The following CSMD3 variants were observed in gnomAD, a reference collection of about 807,000 sequenced individuals.
CSMD3 encodes CUB and Sushi multiple domains 3, also known as CUB and sushi domain-containing protein 3.
In CSMD3, 177 loss-of-function variants were observed where a neutral mutation model predicts 435.2. That is an observed-to-expected ratio of 0.41 (90% CI 0.36 to 0.46). The LOEUF (loss-of-function observed/expected upper bound fraction) is 0.46. Among genes scored for constraint, CSMD3 ranks in the 20% least tolerant of loss-of-function variants. CSMD3 has a pLI of 0.34. For synonymous variants in CSMD3, 1,656 were observed against 1,520.5 expected, an observed-to-expected ratio of 1.09 and a Z score of -2.07; for missense variants, 4,265 against 4,504.6, an observed-to-expected ratio of 0.95 and a Z score of 1.52.
chr8:113,318,310 T>G (rs2093924969), intron 1 of CSMD3, among the ~76,000 whole-genome samples: 1 of 152,194 alleles, frequency 6.6e-6, no homozygotes, highest in African/African-American at 2.4e-5. Context: ...TTTAAGAAAT[T>G]TTATCATGTT....
chr8:112,544,044 A>G (rs1194920725), intron 27 of CSMD3, among the ~76,000 whole-genome samples: 1 of 152,134 alleles, frequency 6.6e-6, no homozygotes, highest in Non-Finnish European at 1.5e-5. Flanking sequence ...CAGAGCCTGA[A>G]ATGGTTTTTT....
chr8:113,244,664 T>A (rs1340710033), intron 3 of CSMD3, among the ~76,000 whole-genome samples: 6 of 152,130 alleles, frequency 3.9e-5, no homozygotes, highest in African/African-American at 1.4e-4. Flanking sequence ...TTCTTTGCCA[T>A]GTGAATATTC....
intron 13 of CSMD3, among the ~76,000 whole-genome samples, chr8:112,721,149 A>G (rs2076848944): frequency 6.6e-6 from 1 of 152,068 alleles, no homozygotes; most frequent in South Asian, 2.1e-4. Context: ...AGTATCAATT[A>G]CAGAATGTTT....
intron 27 of CSMD3, among the ~76,000 whole-genome samples, chr8:112,546,298 C>A (rs574967621): frequency 1.2e-4 from 19 of 152,136 alleles, no homozygotes; most frequent in African/African-American, 4.3e-4. Flanking sequence ...TTTTGTATTT[C>A]GGAAAGATCA....
intron 12 of CSMD3, among the ~76,000 whole-genome samples, chr8:112,817,970 C>CA (rs1482688926): frequency 1.3e-5 from 2 of 151,154 alleles, no homozygotes; most frequent in Non-Finnish European, 3.0e-5. Flanking sequence ...TAGCAAATTA[C>CA]AAAAAAATTT....
intron 45 of CSMD3, among the ~76,000 whole-genome samples, chr8:112,321,367 A>T (rs1001015834): frequency 6.6e-6 from 1 of 152,160 alleles, no homozygotes; most frequent in Non-Finnish European, 1.5e-5. Context: ...GTATTATGGG[A>T]GTATTGAAAA....
At chr8:112,407,936 G>A (rs1832003679) in intron 34 of CSMD3, among the ~76,000 whole-genome samples, 1 of 151,998 alleles carries the variant, frequency 6.6e-6, no homozygotes. Context: ...TCCTTGGCAT[G>A]TTTAAGTACA....
chr8:113,213,203 T>A (rs1438230821), intron 3 of CSMD3, among the ~76,000 whole-genome samples: 1 of 152,132 alleles, frequency 6.6e-6, no homozygotes, highest in South Asian at 2.1e-4. Flanking sequence ...TGGGATTTCA[T>A]GTGCACTTTC....
intron 6 of CSMD3, among the ~76,000 whole-genome samples, chr8:113,001,421 A>G (rs2085860349): frequency 6.6e-6 from 1 of 152,018 alleles, no homozygotes. Flanking sequence ...GTTTATTCCG[A>G]TTAGCCTCTT....
At chr8:112,641,190 C>T (rs1370849794) in intron 20 of CSMD3, among the ~76,000 whole-genome samples, 2 of 152,078 alleles carry the variant, frequency 1.3e-5, no homozygotes, top group Middle Eastern at 3.2e-3. Context: ...TGTTATTTAG[C>T]CCTGGCCAGC....
intron 1 of CSMD3, among the ~76,000 whole-genome samples, chr8:113,330,551 T>C (rs2094019693): frequency 6.6e-6 from 1 of 151,856 alleles, no homozygotes; most frequent in Non-Finnish European, 1.5e-5. Flanking sequence ...AAGAGACATA[T>C]TTTAGGTACA....
chr8:112,686,056 G>A (rs113812523), intron 14 of CSMD3, among the ~76,000 whole-genome samples: 2 of 152,058 alleles, frequency 1.3e-5, no homozygotes, highest in Non-Finnish European at 2.9e-5. Context: ...ATATACAGAA[G>A]TTCCCATAGA....
chr8:113,054,409 A>C (rs1007444943), intron 5 of CSMD3, among the ~76,000 whole-genome samples: 1 of 152,168 alleles, frequency 6.6e-6, no homozygotes, highest in Non-Finnish European at 1.5e-5. Context: ...CCAATTCTTC[A>C]ATACATTTTT....
chr8:112,700,663 T>C (rs185899627), intron 13 of CSMD3, among the ~76,000 whole-genome samples: 1 of 151,952 alleles, frequency 6.6e-6, no homozygotes, highest in Non-Finnish European at 1.5e-5. Flanking sequence ...ACCAGTTGTC[T>C]CAGGCTCATG....
intron 1 of CSMD3, among the ~76,000 whole-genome samples, chr8:113,427,540 T>C (rs909257685): frequency 6.6e-6 from 1 of 151,184 alleles, no homozygotes; most frequent in Middle Eastern, 3.4e-3. Flanking sequence ...AAAAGTACAC[T>C]GGACAGGTAA....
At chr8:112,940,094 TAAG>T (rs2083405119) in intron 9 of CSMD3, among the ~76,000 whole-genome samples, 2 of 151,958 alleles carry the variant, frequency 1.3e-5, no homozygotes, top group African/African-American at 4.8e-5. Context: ...AAAGTTCATG[TAAG>T]AAGAATGAGT....
intron 1 of CSMD3, among the ~76,000 whole-genome samples, chr8:113,420,787 A>G (rs989167520): frequency 6.6e-6 from 1 of 152,026 alleles, no homozygotes; most frequent in Non-Finnish European, 1.5e-5. Flanking sequence ...ATCTCTACTA[A>G]AAAATAAAAA....
Position 113,363,108 on chromosome 8 carries a change from C to T in CSMD3, c.179-48315G>A, listed in dbSNP as rs115236598. The stretch of plus-strand genomic sequence containing the variant: ...TGTACCTTTTGCCTGGACTTCAGAA[C>T]TTCATTAAGTTACATTGACTCTCAT... On this transcript the variant is annotated intron_variant, in intron 1 of 70. Transcript: ENST00000297405. Among the ~76,000 whole-genome samples the T allele has an allele frequency of 7.4e-3, 1,134 of 152,268 alleles. 15 individuals carry two copies. The highest frequency in any genetic ancestry group is 0.026 in the African/African-American group (1,063 of 41,552).
chr8:112,815,101 A>G (rs771082511), intron 12 of CSMD3, among the ~76,000 whole-genome samples: 2 of 152,284 alleles, frequency 1.3e-5, no homozygotes, highest in East Asian at 3.9e-4. Context: ...AGTTAAAAAA[A>G]AAAAGAAAAA....
Sources: allele counts gnomAD v4.1 joint callset (sites outside exome capture counted in the v4.1 genomes callset), GRCh38; gene constraint gnomAD v4.1.1; transcripts MANE v1.5; gene names NCBI Gene and HGNC (gene_info 2026-07-23, HGNC 2026-07-21).